BARD1: variants seen among roughly 807,000 people sequenced by gnomAD.
BARD1 encodes BRCA1-associated RING domain protein 1.
BARD1 carries 73 observed loss-of-function variants against 77.0 expected under a neutral mutation model. The observed-to-expected ratio is 0.95, with a 90% CI of 0.79 to 1.15. The LOEUF (loss-of-function observed/expected upper bound fraction) is 1.15. BARD1 is among the 50% of genes most tolerant of loss of function. BARD1 has a pLI of 0.00. For synonymous variants in BARD1, 384 were observed against 338.0 expected, an observed-to-expected ratio of 1.14 and a Z score of -1.49; for missense variants, 993 against 938.8, an observed-to-expected ratio of 1.06 and a Z score of -0.75.
chr2:214,751,566 A>G (rs1046336696), intron 7 of BARD1, among the ~76,000 whole-genome samples: 4 of 152,046 alleles, frequency 2.6e-5, no homozygotes, highest in Non-Finnish European at 5.9e-5. Flanking sequence ...TGTACAGTAA[A>G]AGTTTTTATA....
rs1692090899 is a variant in BARD1, at chr2:214,726,524, A to G, written c.*2152T>C. 4.5e-6 allele frequency: 1 copy of G among 223,058 alleles called. No homozygotes were observed. Among genetic ancestry groups the G allele is most frequent in the East Asian group, 6.6e-5 (1 of 15,180 alleles). 13.8% of individuals were successfully genotyped at this position (223,058 alleles called of 1,614,324 possible). On this transcript the variant is annotated 3_prime_UTR_variant, in exon 11 of 11. Transcript: ENST00000260947. ...TATTCAAAATTAATTAAAAAGCATT[A>G]TGTTAAAAAAGATAAGCTTTTGTTA...
At position 214,771,392 on chromosome 2, in the gene BARD1, C is replaced by T. The variant is rs182945940; in HGVS notation, c.1315-2080G>A. Among the ~76,000 whole-genome samples, 1,359 of 152,152 alleles carry T rather than the reference C, an allele frequency of 8.9e-3. 18 individuals carry two copies. The highest frequency in any genetic ancestry group is 0.031 in the African/African-American group (1,278 of 41,506). ...TCTGTTGGTTTGATAATGTAGAAAT[C>T]ACTAATTCTCCTAAATATAATATTT... On this transcript the variant is annotated intron_variant, in intron 4 of 10. Transcript: ENST00000260947.
intron 6 of BARD1, among the ~76,000 whole-genome samples, chr2:214,765,688 G>C (rs1043972353): frequency 1.3e-5 from 2 of 152,024 alleles, no homozygotes; most frequent in Non-Finnish European, 2.9e-5. Context: ...GGGTCATATC[G>C]GTTAGGTCCT....
At chr2:214,802,118 C>A (rs1279000840) in intron 1 of BARD1, among the ~76,000 whole-genome samples, 2 of 152,140 alleles carry the variant, frequency 1.3e-5, no homozygotes. Context: ...GTTCGACTCA[C>A]AATTTTTTAG....
intron 3 of BARD1, among the ~76,000 whole-genome samples, chr2:214,783,338 T>A (rs1038504605): frequency 1.3e-5 from 2 of 152,104 alleles, no homozygotes; most frequent in Non-Finnish European, 2.9e-5. Flanking sequence ...AAGTGATTTT[T>A]AAAGAAAATG....
intron 1 of BARD1, among the ~76,000 whole-genome samples, chr2:214,806,316 T>C (rs532065044): frequency 1.3e-5 from 2 of 152,284 alleles, no homozygotes; most frequent in Non-Finnish European, 2.9e-5. Flanking sequence ...TGGGTAGAAC[T>C]CTGAAACTCT....
At chr2:214,775,748 A>G (rs1373802873) in intron 4 of BARD1, among the ~76,000 whole-genome samples, 4 of 152,214 alleles carry the variant, frequency 2.6e-5, no homozygotes, top group African/African-American at 9.6e-5. Flanking sequence ...CAATGGCACA[A>G]TAAGTTACTG....
At chr2:214,729,035 A>C (rs780112770) in intron 10 of BARD1, 27 bp from the exon 11 acceptor site, 1 of 1,605,286 alleles carries the variant, frequency 6.2e-7, no homozygotes, top group South Asian at 1.1e-5. Flanking sequence ...ACATTTGTTA[A>C]AGGCAGATCA....
intron 1 of BARD1, among the ~76,000 whole-genome samples, chr2:214,803,285 C>G (rs1275869806): frequency 2.0e-5 from 3 of 152,024 alleles, no homozygotes; most frequent in African/African-American, 7.3e-5. Flanking sequence ...ACCTGACCGT[C>G]CCCCAGCCCG....
In BARD1 at chr2:214,733,795, C is replaced by T. The variant is rs1574713658; in HGVS notation, c.1904-3287G>A. 2.6e-5 allele frequency among the ~76,000 whole-genome samples: 4 copies of T among 152,078 alleles called. 1 individual carries two copies. In the South Asian group the frequency reaches 8.3e-4, roughly 32 times the overall value. On this transcript the variant is annotated intron_variant, in intron 9 of 10. Coordinates refer to ENST00000260947, the MANE Select transcript of BARD1 (RefSeq NM_000465.4). ...CCATGTTTTAAAGATATTAAGGATG[C>T]CACTGAGATAATCTCAATCATGGTA...
intron 8 of BARD1, 158 bp downstream of exon 8, chr2:214,745,564 T>C: frequency 1.2e-6 from 1 of 852,042 alleles, no homozygotes; most frequent in Non-Finnish European, 1.9e-6. Context: ...CTATAAGTAG[T>C]TTATTACTGA....
intron 2 of BARD1, 68 bp from the exon 3 acceptor site, chr2:214,792,513 A>G: frequency 1.4e-6 from 2 of 1,413,840 alleles, no homozygotes; most frequent in Non-Finnish European, 1.9e-6. Context: ...AAAACTAAAC[A>G]GTTTGAACAG....
At chr2:214,809,339 A>T in intron 1 of BARD1, 73 bp downstream of exon 1, 1 of 1,588,356 alleles carries the variant, frequency 6.3e-7, no homozygotes, top group Non-Finnish European at 8.6e-7. Flanking sequence ...GGAAGATTTG[A>T]AAAGATTCTG....
rs552755107 is a variant in BARD1 at position 214,752,827 on chromosome 2, G to C, written c.1569-272C>G. ...GCATTCTTATTCATATTAAAATATG[G>C]CTTCATAATCACCAATCACTATAAG... is the stretch of plus-strand genomic sequence containing the variant. On this transcript the variant is annotated intron_variant, in intron 6 of 10. Transcript: ENST00000260947. Among the ~76,000 whole-genome samples, 13 of 152,038 alleles carry C rather than the reference G, an allele frequency of 8.6e-5. No homozygotes were observed. The East Asian group carries it at 2.3e-3, about 27-fold the overall frequency.
chr2:214,755,023 T>C (rs1182679272), intron 6 of BARD1, among the ~76,000 whole-genome samples: 2 of 152,184 alleles, frequency 1.3e-5, no homozygotes, highest in African/African-American at 4.8e-5. Context: ...CAATAATGTG[T>C]GCTTTCTTCC....
At chr2:214,789,549 A>AAAAT (rs938294941) in intron 3 of BARD1, among the ~76,000 whole-genome samples, 1 of 152,186 alleles carries the variant, frequency 6.6e-6, no homozygotes, top group Non-Finnish European at 1.5e-5. Context: ...TGTCTGTCTC[A>AAAAT]AAATAAATAA....
chr2:214,772,957 C>A (rs1694575483), intron 4 of BARD1, among the ~76,000 whole-genome samples: 2 of 152,202 alleles, frequency 1.3e-5, no homozygotes, highest in South Asian at 4.1e-4. Context: ...TCTTAAACCA[C>A]AGCAAACATA....
At chr2:214,758,414 G>A (rs1310453074) in intron 6 of BARD1, among the ~76,000 whole-genome samples, 1 of 152,176 alleles carries the variant, frequency 6.6e-6, no homozygotes, top group Non-Finnish European at 1.5e-5. Context: ...ATTTTTGGAA[G>A]ACAGATACAG....
At chr2:214,808,890 T>C (rs1160530087) in intron 1 of BARD1, among the ~76,000 whole-genome samples, 1 of 152,228 alleles carries the variant, frequency 6.6e-6, no homozygotes, top group African/African-American at 2.4e-5. Context: ...ATGGTAGATA[T>C]CCGATGCTCC....
Sources: allele counts gnomAD v4.1 joint callset (sites outside exome capture counted in the v4.1 genomes callset), GRCh38; gene constraint gnomAD v4.1.1; transcripts MANE v1.5; gene names NCBI Gene and HGNC (gene_info 2026-07-23, HGNC 2026-07-21).